The following AGBL2 variants were observed in gnomAD, a reference collection of about 807,000 sequenced individuals.
AGBL2 encodes AGBL carboxypeptidase 2.
A neutral mutation model predicts 103.0 loss-of-function variants in AGBL2; 87 were observed. That is an observed-to-expected ratio of 0.84 (90% CI 0.71 to 1.01). AGBL2 has a LOEUF of 1.01. Ranked by LOEUF, AGBL2 falls within the 50% of genes least tolerant of loss-of-function variation. The probability of loss-of-function intolerance (pLI) is 0.00; values close to 1 mark genes in which losing one functional copy is unlikely to be tolerated. For missense variants in AGBL2, 904 were observed against 1,023.5 expected (o/e 0.88, Z 1.59); for synonymous variants, 335 against 356.7 (o/e 0.94, Z 0.69).
At chr11:47,710,036 G>A (rs1006298576) in intron 4 of AGBL2, among the ~76,000 whole-genome samples, 1 of 151,752 alleles carries the variant, frequency 6.6e-6, no homozygotes, top group African/African-American at 2.4e-5. Flanking sequence ...TTACCAGTGT[G>A]TGTCACCACA....
intron 3 of AGBL2, 144 bp from the exon 4 acceptor site, chr11:47,710,655 T>G: frequency 1.1e-6 from 1 of 944,480 alleles, no homozygotes; most frequent in East Asian, 2.5e-5. Context: ...TTCAAAGAGC[T>G]TTCATATTCC....
rs562844087 is a variant in AGBL2 at position 47,661,992 on chromosome 11, G to A, written c.2535+1034C>T. 8.6e-5 allele frequency among the ~76,000 whole-genome samples: 13 copies of A among 151,054 alleles called. No homozygotes were observed. The South Asian group carries it at 1.7e-3, about 20-fold the overall frequency. Reference sequence around the variant, plus strand: ...TCGAACTCCTGACCTCAGGTTATCCGCCCACCTCGGCCTCCCAAAGTGCTG... The same window carrying A: ...TCGAACTCCTGACCTCAGGTTATCCACCCACCTCGGCCTCCCAAAGTGCTG... On this transcript the variant is annotated intron_variant, in intron 18 of 18. Transcript: ENST00000525123.
At chr11:47,667,469 C>T in intron 16 of AGBL2, 102 bp downstream of exon 16, 1 of 1,378,762 alleles carries the variant, frequency 7.3e-7, no homozygotes, top group East Asian at 2.3e-5. Context: ...CCCCAATCTC[C>T]ATCCCCTTTT....
rs377578482 is a variant in AGBL2 at position 47,667,699 on chromosome 11, A to C, written c.2215-3T>G. 7 of 1,609,088 alleles carry C rather than the reference A, an allele frequency of 4.4e-6. No individual in the cohort carries two copies. In the East Asian group the frequency reaches 1.3e-4, roughly 31 times the overall value. ...AACATCTTCTTTTTCTGAGTCAGCTATTCCAGAAAGTAGAGAAACTGGTCA... is the reference window on the plus strand; with the variant it reads ...AACATCTTCTTTTTCTGAGTCAGCTCTTCCAGAAAGTAGAGAAACTGGTCA... On this transcript the variant is annotated splice_polypyrimidine_tract_variant and splice_region_variant and intron_variant, in intron 15 of 18. Coordinates refer to ENST00000525123, the MANE Select transcript of AGBL2 (RefSeq NM_024783.4).
intron 13 of AGBL2, among the ~76,000 whole-genome samples, chr11:47,677,959 ACTT>A (rs986363563): frequency 5.9e-5 from 9 of 151,724 alleles, no homozygotes; most frequent in East Asian, 1.9e-4. Flanking sequence ...ACTAGAGCCA[ACTT>A]CTTCTTTTTT....
intron 11 of AGBL2, among the ~76,000 whole-genome samples, chr11:47,683,757 TGA>T (rs1229937387): frequency 7.5e-5 from 11 of 147,054 alleles, no homozygotes; most frequent in Admixed American, 3.4e-4. Flanking sequence ...GGAGACAGAG[TGA>T]GACTCCATCT....
intron 15 of AGBL2, among the ~76,000 whole-genome samples, chr11:47,668,065 C>T (rs548214506): frequency 6.6e-6 from 1 of 151,912 alleles, no homozygotes; most frequent in East Asian, 1.9e-4. Context: ...TAAAATTAGC[C>T]GGGTGAGGTG....
intron 14 of AGBL2, among the ~76,000 whole-genome samples, chr11:47,674,190 G>A (rs2097366657): frequency 6.6e-6 from 1 of 152,146 alleles, no homozygotes; most frequent in Admixed American, 6.6e-5. Flanking sequence ...AGCACCTAAG[G>A]GGGATAAGGA....
chr11:47,670,769 A>G (rs549357806), intron 14 of AGBL2, among the ~76,000 whole-genome samples: 84 of 151,964 alleles, frequency 5.5e-4, no homozygotes, highest in African/African-American at 1.9e-3. Context: ...TGAGGCTTAA[A>G]GATCTCTTGA....
In AGBL2 at chr11:47,667,642, T is replaced by G; in HGVS notation, c.2269A>C (p.Arg757=). The G allele has an allele frequency of 6.2e-7, 1 of 1,613,760 alleles. No individual in the cohort carries two copies. Among genetic ancestry groups the G allele is most frequent in the Middle Eastern group, 1.6e-4 (1 of 6,062 alleles). The change falls in exon 16 of 19, where the codon AGG becomes CGG. Residue 757 remains arginine, a synonymous_variant. Transcript: ENST00000525123. ...KKKKKKSLQT[R]KQRNEQYQKK... is the part of the protein sequence containing the mutation. ...TGATACTGCTCATTTCGCTGTTTCCTAGTCTGAAGTGACTTCTTTTTTTTC... is the reference window on the plus strand; with the variant it reads ...TGATACTGCTCATTTCGCTGTTTCCGAGTCTGAAGTGACTTCTTTTTTTTC...
Position 47,667,558 on chromosome 11 carries a change from A to G in AGBL2, c.2340+13T>C, listed in dbSNP as rs1235036880. 6.2e-7 allele frequency: 1 copy of G among 1,612,562 alleles called. No individual in the cohort carries two copies. Among genetic ancestry groups the G allele is most frequent in the African/African-American group, 1.3e-5 (1 of 74,738 alleles). On this transcript the variant is annotated intron_variant, in intron 16 of 18. Transcript: ENST00000525123. Reference sequence around the variant, plus strand: ...AAACTAGACAGTAGAAATAGCCAGCAAGTCTTTCTTACTGAGGTATCTTCT... The same window carrying G: ...AAACTAGACAGTAGAAATAGCCAGCGAGTCTTTCTTACTGAGGTATCTTCT...
At chr11:47,664,889 T>A (rs76112992) in intron 17 of AGBL2, among the ~76,000 whole-genome samples, 94 of 127,254 alleles carry the variant, frequency 7.4e-4, no homozygotes, top group South Asian at 1.3e-3. Context: ...TTTTTTTTTT[T>A]TTTTTAATTT....
intron 13 of AGBL2, among the ~76,000 whole-genome samples, chr11:47,678,344 T>C (rs1327709021): frequency 7.1e-6 from 1 of 141,524 alleles, no homozygotes; most frequent in Non-Finnish European, 1.6e-5. Flanking sequence ...TATTATTTTA[T>C]TTTTTTTGAG....
rs867595385 is a variant in AGBL2 at position 47,666,090 on chromosome 11, A to G, written c.2448+866T>C. ...CCATGGCCGGACAGCCTATTTTTTT[A>G]CACAAAAAAATCAATGATTTTGACT... On this transcript the variant is annotated intron_variant, in intron 17 of 18. Coordinates refer to ENST00000525123, the MANE Select transcript of AGBL2 (RefSeq NM_024783.4). Among the ~76,000 whole-genome samples, 8 of 151,954 alleles carry G rather than the reference A, an allele frequency of 5.3e-5. No individual in the cohort carries two copies. The South Asian group carries it at 1.5e-3, about 28-fold the overall frequency.
At chr11:47,666,551 C>G in intron 17 of AGBL2, 1 of 398,432 alleles carries the variant, frequency 2.5e-6, no homozygotes, top group East Asian at 4.6e-5. Context: ...TCTGAAGTCC[C>G]CGAGGCAGGG....
At position 47,680,223 on chromosome 11, in the gene AGBL2, AG is replaced by A. The variant is rs2097396069; in HGVS notation, c.1916-151del. On this transcript the variant is annotated intron_variant, in intron 12 of 18. Coordinates refer to ENST00000525123, the MANE Select transcript of AGBL2 (RefSeq NM_024783.4). ...TCCCAGCACTTTGGGAGGCCAAGGC[AG>A]GCAGATCACGAGGTCAGGAGATTGA... is the stretch of plus-strand genomic sequence containing the variant. 3 of 508,102 alleles carry A rather than the reference AG, an allele frequency of 5.9e-6. 1 individual carries two copies. In the South Asian group the frequency reaches 6.3e-5, roughly 11 times the overall value. 31.5% of individuals were successfully genotyped at this position (508,102 alleles called of 1,614,324 possible). A position where few individuals can be genotyped will look rare whatever the true frequency, so the allele number is the denominator to read the frequency against.
At chr11:47,713,006 C>A (rs2097539877) in intron 3 of AGBL2, among the ~76,000 whole-genome samples, 1 of 151,844 alleles carries the variant, frequency 6.6e-6, no homozygotes, top group Admixed American at 6.6e-5. Flanking sequence ...TGCACCACTG[C>A]ACTCCAGCCT....
rs758160889 is a variant in AGBL2 at position 47,677,365 on chromosome 11, G to T, written c.2053C>A (p.Arg685=). 6.8e-6 allele frequency: 11 copies of T among 1,610,142 alleles called. No individual in the cohort carries two copies. The highest frequency in any genetic ancestry group is 2.2e-5 in the South Asian group (2 of 90,356). The part of the protein sequence containing the change: ...QCLAELKELL[R]QEIHKKFHEL... ...TGGAATTTCTTGTGGATTTCCTGTC[G>T]TAAAAGCTCCTTAAGCTCTGCTAGA... The change falls in exon 14 of 19, where the codon CGA becomes AGA. Residue 685 remains arginine (R), a synonymous_variant. Transcript: ENST00000525123.
At chr11:47,706,360 C>G (rs1008788315) in intron 4 of AGBL2, among the ~76,000 whole-genome samples, 1 of 151,570 alleles carries the variant, frequency 6.6e-6, no homozygotes, top group African/African-American at 2.4e-5. Flanking sequence ...ACTAAAAATA[C>G]AAAAGATTAG....
Sources: gnomAD v4.1 joint callset for allele counts (sites outside exome capture counted in the v4.1 genomes callset) on GRCh38, gnomAD v4.1.1 for gene constraint, MANE v1.5 for transcripts, NCBI Gene and HGNC (gene_info 2026-07-23, HGNC 2026-07-21) for gene names.